The following NKIRAS1 variants were observed in gnomAD, a reference collection of about 807,000 sequenced individuals.
NKIRAS1 encodes NF-kappa-B inhibitor-interacting Ras-like protein 1.
Under a neutral mutation model 19.8 loss-of-function variants are expected in NKIRAS1, and 16 were observed. The ratio of observed to expected loss-of-function variants is 0.81; its 90% CI spans 0.55 to 1.23. The LOEUF (loss-of-function observed/expected upper bound fraction) is 1.23. Ranked by LOEUF, NKIRAS1 falls within the 50% of genes most tolerant of loss-of-function variation. NKIRAS1 has a pLI of 0.00. For synonymous variants in NKIRAS1, 88 were observed against 79.0 expected (o/e 1.11, Z -0.61); for missense variants, 184 against 220.0 (o/e 0.84, Z 1.04).
intron 1 of NKIRAS1, among the ~76,000 whole-genome samples, chr3:23,945,855 G>C (rs566732144): frequency 1.3e-5 from 2 of 150,840 alleles, no homozygotes; most frequent in South Asian, 4.2e-4. Context: ...GGCCGCGCGA[G>C]CCACGTGCGC....
Position 23,890,679 on chromosome 3 carries a change from G to C in NKIRAS1, c.*2416C>G. 7.8e-7 allele frequency: 1 copy of C among 1,279,440 alleles called. No individual in the cohort carries two copies. Among genetic ancestry groups the C allele is most frequent in the Admixed American group, 2.2e-5 (1 of 45,492 alleles). The allele number at this position is 1,279,440 out of a possible 1,614,324, so 79.3% of individuals were successfully genotyped here. A position where few individuals can be genotyped will look rare whatever the true frequency, so the allele number is the denominator to read the frequency against. ...CTGCTTATGATTTTGAAGGGGTCAG[G>C]GAGGGTGGGAGTTGGTAAAGAGTAG... is the stretch of plus-strand genomic sequence containing the variant. On this transcript the variant is annotated 3_prime_UTR_variant, in exon 5 of 5. Transcript: ENST00000425478.
At chr3:23,894,565 T>C (rs1701792759) in intron 4 of NKIRAS1, among the ~76,000 whole-genome samples, 1 of 152,044 alleles carries the variant, frequency 6.6e-6, no homozygotes, top group Non-Finnish European at 1.5e-5. Context: ...TCCTCCCAAC[T>C]GCAGAAACTC....
chr3:23,946,202 A>T (rs1279186052), intron 1 of NKIRAS1: 2 of 985,352 alleles, frequency 2.0e-6, no homozygotes, highest in Non-Finnish European at 2.4e-6. Flanking sequence ...GGCGTCCCCG[A>T]AGCGGGCGCT....
chr3:23,943,116 C>T (rs1192841529), intron 1 of NKIRAS1, among the ~76,000 whole-genome samples: 1 of 152,124 alleles, frequency 6.6e-6, no homozygotes, highest in Non-Finnish European at 1.5e-5. Flanking sequence ...ATATATTCAC[C>T]ATTATAGTAT....
intron 1 of NKIRAS1, among the ~76,000 whole-genome samples, chr3:23,944,680 A>G (rs1297351579): frequency 6.6e-6 from 1 of 152,178 alleles, no homozygotes; most frequent in Non-Finnish European, 1.5e-5. Flanking sequence ...TGGAGATTAG[A>G]AGAGAGGTCT....
chr3:23,931,687 G>A (rs188825531), intron 1 of NKIRAS1, among the ~76,000 whole-genome samples: 517 of 150,188 alleles, frequency 3.4e-3, no homozygotes, highest in South Asian at 6.8e-3. Context: ...TTAGTGGAAG[G>A]GAGGAAAAAG....
intron 1 of NKIRAS1, among the ~76,000 whole-genome samples, chr3:23,911,770 T>C (rs945785696): frequency 7.9e-5 from 12 of 151,412 alleles, no homozygotes; most frequent in Admixed American, 6.6e-4. Flanking sequence ...GTGGGCTTTT[T>C]TTTTTTTTTT....
At chr3:23,902,463 A>T (rs1325623932) in intron 3 of NKIRAS1, among the ~76,000 whole-genome samples, 1 of 152,194 alleles carries the variant, frequency 6.6e-6, no homozygotes, top group East Asian at 1.9e-4. Flanking sequence ...TCCTGTCATA[A>T]ATTAAGCCCT....
Position 23,922,817 on chromosome 3 carries a change from T to C in NKIRAS1, c.-139-11367A>G, listed in dbSNP as rs1375228117. 2 of 152,254 alleles carry C rather than the reference T, an allele frequency of 1.3e-5. No individual in the cohort carries two copies. Among genetic ancestry groups the C allele is most frequent in the Non-Finnish European group, 2.9e-5 (2 of 68,086 alleles). 9.4% of individuals were successfully genotyped at this position (152,254 alleles called of 1,614,324 possible). Reference sequence around the variant, plus strand: ...AAGGTGATCAGTTTAACAATATTTTTTTATTTTGAGACAGGGTCTCACTGT... The same window carrying C: ...AAGGTGATCAGTTTAACAATATTTTCTTATTTTGAGACAGGGTCTCACTGT... On this transcript the variant is annotated intron_variant, in intron 1 of 4. Coordinates refer to the NKIRAS1 transcript ENST00000421515. The surrounding 1 kb of genome is among the most constrained non-coding windows in gnomAD (Gnocchi z 4.2).
chr3:23,900,145 G>C (rs1470850601), intron 4 of NKIRAS1, among the ~76,000 whole-genome samples: 2 of 152,072 alleles, frequency 1.3e-5, no homozygotes, highest in African/African-American at 4.8e-5. Context: ...CTGGGTGAAA[G>C]AGAGAGACTC....
chr3:23,919,458 C>G (rs1704946812), upstream of NKIRAS1: 3 of 1,602,892 alleles, frequency 1.9e-6, no homozygotes, highest in African/African-American at 2.7e-5. Context: ...CGCCGGGCAG[C>G]TTGGAGAAGG....
chr3:23,890,500 T>C lies in NKIRAS1; in HGVS notation c.*2595A>G, dbSNP rs1468392715. 6.2e-7 allele frequency: 1 copy of C among 1,609,594 alleles called. No individual in the cohort carries two copies. The highest frequency in any genetic ancestry group is 2.2e-5 in the East Asian group (1 of 44,612). Reference sequence around the variant, plus strand: ...TTTCTCCAAAGTAATCTACATTCTTTTCTTCCAGCCGACCCCTTGGTGGGA... The same window carrying C: ...TTTCTCCAAAGTAATCTACATTCTTCTCTTCCAGCCGACCCCTTGGTGGGA... On this transcript the variant is annotated 3_prime_UTR_variant, in exon 5 of 5. Coordinates refer to ENST00000425478, the MANE Select transcript of NKIRAS1 (RefSeq NM_020345.4).
intron 1 of NKIRAS1, among the ~76,000 whole-genome samples, chr3:23,938,570 G>A (rs764981582): frequency 9.2e-5 from 14 of 152,196 alleles, no homozygotes; most frequent in Non-Finnish European, 1.3e-4. Context: ...GTATATGTGC[G>A]TGATTCTTTA....
At chr3:23,940,142 C>T (rs202186905) in intron 1 of NKIRAS1, among the ~76,000 whole-genome samples, 1 of 115,078 alleles carries the variant, frequency 8.7e-6, no homozygotes, top group Non-Finnish European at 1.6e-5. Context: ...ACTAGCCTGG[C>T]AACACAGGAA....
rs150302804 is a variant in NKIRAS1 at position 23,939,300 on chromosome 3, G to T, written c.-140+7023C>A. ...GATAAAAATAAAATGGAAGGATGTA[G>T]ATCAAGATAAAGAGCAGAAATCAAT... On this transcript the variant is annotated intron_variant, in intron 1 of 4. Coordinates refer to the NKIRAS1 transcript ENST00000421515. 5.3e-4 allele frequency among the ~76,000 whole-genome samples: 81 copies of T among 152,234 alleles called. 1 individual carries two copies. The highest frequency in any genetic ancestry group is 1.9e-3 in the African/African-American group (78 of 41,544).
At chr3:23,924,742 AT>A (rs1481898346) in intron 1 of NKIRAS1, among the ~76,000 whole-genome samples, 1 of 152,180 alleles carries the variant, frequency 6.6e-6, no homozygotes, top group Non-Finnish European at 1.5e-5. Flanking sequence ...TGTAGAATAA[AT>A]TCTTCAAATT....
chr3:23,928,999 T>C (rs1199571114), intron 1 of NKIRAS1, among the ~76,000 whole-genome samples: 2 of 122,552 alleles, frequency 1.6e-5, no homozygotes, highest in East Asian at 2.6e-4. Context: ...TCCATCTCTT[T>C]AAAAAAAAAA....
upstream of NKIRAS1, chr3:23,918,659 C>T: frequency 2.0e-6 from 3 of 1,470,784 alleles, no homozygotes; most frequent in Non-Finnish European, 2.8e-6. Context: ...TCTGATTGTA[C>T]TTAGGTGAGC....
At chr3:23,914,978 T>C (rs917631671) in intron 1 of NKIRAS1, among the ~76,000 whole-genome samples, 22 of 152,244 alleles carry the variant, frequency 1.4e-4, no homozygotes, top group African/African-American at 5.1e-4. Flanking sequence ...CTTACCATTT[T>C]CATCACTACT....
Sources: gnomAD v4.1 joint callset for allele counts (sites outside exome capture counted in the v4.1 genomes callset) on GRCh38, gnomAD v4.1.1 for gene constraint, Gnocchi (gnomAD v3.1) non-coding constraint, MANE v1.5 for transcripts, NCBI Gene and HGNC (gene_info 2026-07-23, HGNC 2026-07-21) for gene names.